The following SORCS2 variants were observed in gnomAD, a reference collection of about 807,000 sequenced individuals.
SORCS2 encodes VPS10 domain-containing receptor SorCS2.
SORCS2 carries 100 observed loss-of-function variants against 141.6 expected under a neutral mutation model. The ratio of observed to expected loss-of-function variants is 0.71; its 90% CI spans 0.60 to 0.83. The LOEUF is 0.83. Among genes scored for constraint, SORCS2 ranks in the 40% least tolerant of loss-of-function variants. The pLI, the probability that SORCS2 is intolerant of heterozygous loss-of-function variation, is 0.00. For missense variants in SORCS2, 1,646 were observed against 1,560.2 expected, an observed-to-expected ratio of 1.05 and a Z score of -0.93; for synonymous variants, 789 against 676.9, an observed-to-expected ratio of 1.17 and a Z score of -2.57.
chr4:7,221,183 C>T (rs1417364983), intron 1 of SORCS2, among the ~76,000 whole-genome samples: 1 of 152,152 alleles, frequency 6.6e-6, no homozygotes, highest in Non-Finnish European at 1.5e-5. Flanking sequence ...AATATTATCA[C>T]CTTTCTTTCC....
At chr4:7,667,823 CACCCTATTAAT>C (rs1186374344) in intron 8 of SORCS2, among the ~76,000 whole-genome samples, 1 of 152,234 alleles carries the variant, frequency 6.6e-6, no homozygotes, top group Non-Finnish European at 1.5e-5. Context: ...GGCCTCTCTC[CACCCTATTAAT>C]ATATTATTCC....
chr4:7,687,066 A>G (rs1389590161), intron 10 of SORCS2, among the ~76,000 whole-genome samples: 1 of 152,208 alleles, frequency 6.6e-6, no homozygotes, highest in African/African-American at 2.4e-5. Context: ...ACCACTGTGC[A>G]CGCAGCAAGT....
At chr4:7,541,354 C>G (rs1712641397) in intron 3 of SORCS2, among the ~76,000 whole-genome samples, 1 of 152,232 alleles carries the variant, frequency 6.6e-6, no homozygotes, top group South Asian at 2.1e-4. Context: ...CATGGGAAGC[C>G]TTGCTAACTT....
intron 1 of SORCS2, among the ~76,000 whole-genome samples, chr4:7,366,676 G>T (rs896153481): frequency 6.6e-6 from 1 of 152,028 alleles, no homozygotes; most frequent in African/African-American, 2.4e-5. Context: ...ACTTCTGGGA[G>T]ACCTTCCATG....
chr4:7,334,647 C>T (rs561136293), intron 1 of SORCS2, among the ~76,000 whole-genome samples: 5 of 152,290 alleles, frequency 3.3e-5, no homozygotes, highest in African/African-American at 4.8e-5. Flanking sequence ...GGAGTGTGCA[C>T]ATGCGCTGAG....
chr4:7,524,741 C>T (rs901698733), intron 2 of SORCS2, among the ~76,000 whole-genome samples: 99 of 152,072 alleles, frequency 6.5e-4, no homozygotes, highest in African/African-American at 2.3e-3. Context: ...GCCTGGCCTC[C>T]GCAGCACCCT....
rs751702661 is a variant in SORCS2 at position 7,303,929 on chromosome 4, C to T, written c.481-92359C>T. On this transcript the variant is annotated intron_variant, in intron 1 of 26. Transcript: ENST00000507866. ...GGCCTGAGGGGCCAAGGGGTCACCACGGCTGTGTGCCTGTTTACCAGGCCC... is the reference window on the plus strand; with the variant it reads ...GGCCTGAGGGGCCAAGGGGTCACCATGGCTGTGTGCCTGTTTACCAGGCCC... Among the ~76,000 whole-genome samples the T allele has an allele frequency of 6.6e-5, 10 of 152,264 alleles. No homozygotes were observed. The South Asian group carries it at 1.7e-3, about 25-fold the overall frequency.
chr4:7,380,390 C>G (rs1225146411), intron 1 of SORCS2, among the ~76,000 whole-genome samples: 9 of 152,236 alleles, frequency 5.9e-5, no homozygotes, highest in African/African-American at 1.9e-4. Context: ...TGGAATTGCA[C>G]TGGACAGGTA....
intron 3 of SORCS2, among the ~76,000 whole-genome samples, chr4:7,602,878 T>G (rs1423249884): frequency 1.3e-5 from 2 of 152,192 alleles, no homozygotes; most frequent in Non-Finnish European, 2.9e-5. Flanking sequence ...CATTGAGCAC[T>G]GAGTGAGCGA....
At chr4:7,258,754 C>T (rs757378455) in intron 1 of SORCS2, among the ~76,000 whole-genome samples, 3 of 152,202 alleles carry the variant, frequency 2.0e-5, no homozygotes, top group Non-Finnish European at 4.4e-5. Context: ...CTAATTTACA[C>T]TCCCGCCAAC....
intron 1 of SORCS2, among the ~76,000 whole-genome samples, chr4:7,354,916 TA>T (rs1393159790): frequency 6.6e-6 from 1 of 152,220 alleles, no homozygotes; most frequent in Non-Finnish European, 1.5e-5. Context: ...GCACTTCTTA[TA>T]TTTCATAGAA....
chr4:7,572,866 T>C (rs1715492980), intron 3 of SORCS2, among the ~76,000 whole-genome samples: 1 of 152,256 alleles, frequency 6.6e-6, no homozygotes. Flanking sequence ...AAGAAATTTT[T>C]ATTTCCAGGA....
intron 2 of SORCS2, among the ~76,000 whole-genome samples, chr4:7,501,903 C>G (rs1054117736): frequency 2.6e-5 from 4 of 152,238 alleles, no homozygotes; most frequent in African/African-American, 4.8e-5. Flanking sequence ...GGAAGGAGGG[C>G]TCCCACAACG....
At chr4:7,599,733 T>C (rs1283420381) in intron 3 of SORCS2, among the ~76,000 whole-genome samples, 5 of 152,012 alleles carry the variant, frequency 3.3e-5, no homozygotes, top group South Asian at 4.2e-4. Context: ...AGAGGTGAAA[T>C]TGCAGGGCAG....
At chr4:7,362,802 CCATCATTACCACCAA>C (rs1721659206) in intron 1 of SORCS2, among the ~76,000 whole-genome samples, 1 of 151,900 alleles carries the variant, frequency 6.6e-6, no homozygotes, top group Non-Finnish European at 1.5e-5. Context: ...CATGCCATCA[CCATCATTACCACCAA>C]CACCACCATC....
At chr4:7,358,145 C>G (rs1001848251) in intron 1 of SORCS2, among the ~76,000 whole-genome samples, 1 of 152,214 alleles carries the variant, frequency 6.6e-6, no homozygotes, top group Non-Finnish European at 1.5e-5. Context: ...TGAATTTTTC[C>G]TAACAGCAGT....
chr4:7,257,198 A>G (rs892079780), intron 1 of SORCS2, among the ~76,000 whole-genome samples: 1 of 152,118 alleles, frequency 6.6e-6, no homozygotes, highest in African/African-American at 2.4e-5. Flanking sequence ...TTTCACACAG[A>G]TGGTGGCCTC....
chr4:7,620,048 TC>T (rs1719059689), intron 3 of SORCS2, among the ~76,000 whole-genome samples: 3 of 114,898 alleles, frequency 2.6e-5, no homozygotes, highest in Non-Finnish European at 5.8e-5. Flanking sequence ...CTCCTCCTCC[TC>T]CTTCCTCTTC....
intron 10 of SORCS2, among the ~76,000 whole-genome samples, chr4:7,684,812 C>T (rs1423182363): frequency 6.6e-6 from 1 of 152,108 alleles, no homozygotes; most frequent in Non-Finnish European, 1.5e-5. Context: ...ATGGTGAGCC[C>T]CCTCCCCACC....
Sources: allele counts gnomAD v4.1 joint callset (sites outside exome capture counted in the v4.1 genomes callset), GRCh38; gene constraint gnomAD v4.1.1; transcripts MANE v1.5; gene names NCBI Gene and HGNC (gene_info 2026-07-23, HGNC 2026-07-21).